Variants in THSD7A observed in about 807,000 individuals in gnomAD.
THSD7A encodes thrombospondin type 1 domain containing 7A.
Under a neutral mutation model 231.3 loss-of-function variants are expected in THSD7A, and 96 were observed. The ratio of observed to expected loss-of-function variants is 0.41; its 90% confidence interval spans 0.35 to 0.49. The LOEUF is 0.49. Ranked by LOEUF, THSD7A falls within the 20% of genes least tolerant of loss-of-function variation. THSD7A has a pLI of 0.05. For missense variants in THSD7A, 2,290 were observed against 2,070.2 expected, an observed-to-expected ratio of 1.11 and a Z score of -2.06; for synonymous variants, 940 against 743.3, an observed-to-expected ratio of 1.26 and a Z score of -4.30.
chr7:11,586,024 A>G (rs1779887547), intron 4 of THSD7A, among the ~76,000 whole-genome samples: 1 of 152,004 alleles, frequency 6.6e-6, no homozygotes, highest in Non-Finnish European at 1.5e-5. Flanking sequence ...TTTACATCCC[A>G]CTGTATTTAC....
chr7:11,587,217 C>G (rs1423272306), intron 4 of THSD7A, among the ~76,000 whole-genome samples: 1 of 152,168 alleles, frequency 6.6e-6, no homozygotes, highest in Non-Finnish European at 1.5e-5. Context: ...GATAACCTCC[C>G]CACAGGCAAG....
At chr7:11,472,522 G>C (rs78681591) in intron 8 of THSD7A, among the ~76,000 whole-genome samples, 1 of 152,048 alleles carries the variant, frequency 6.6e-6, no homozygotes. Flanking sequence ...TCTAGAATTT[G>C]AGAGGTAAAG....
intron 1 of THSD7A, among the ~76,000 whole-genome samples, chr7:11,748,123 G>A (rs1263879998): frequency 2.0e-5 from 3 of 151,920 alleles, no homozygotes; most frequent in South Asian, 4.2e-4. Flanking sequence ...TCAAGACAAA[G>A]AGGCCAGATA....
intron 1 of THSD7A, among the ~76,000 whole-genome samples, chr7:11,798,116 G>C (rs1371250625): frequency 6.6e-6 from 1 of 152,012 alleles, no homozygotes; most frequent in Non-Finnish European, 1.5e-5. Flanking sequence ...AACCATCTTT[G>C]TTCCATTAAG....
intron 4 of THSD7A, among the ~76,000 whole-genome samples, chr7:11,556,261 T>C (rs1381772363): frequency 6.6e-6 from 1 of 151,442 alleles, no homozygotes; most frequent in Non-Finnish European, 1.5e-5. Flanking sequence ...TTACATTACA[T>C]ATATATGTCA....
chr7:11,818,569 T>G (rs561935401), intron 1 of THSD7A, among the ~76,000 whole-genome samples: 2 of 152,250 alleles, frequency 1.3e-5, no homozygotes, highest in South Asian at 2.1e-4. Flanking sequence ...CTTCACTGTT[T>G]CCCAGAAGTT....
chr7:11,627,141 C>T (rs1031950606), intron 2 of THSD7A, among the ~76,000 whole-genome samples: 10 of 152,084 alleles, frequency 6.6e-5, no homozygotes, highest in Non-Finnish European at 1.5e-4. Flanking sequence ...GTTAACGTTG[C>T]ATCTTTCTTA....
chr7:11,626,512 G>T (rs562885625), intron 2 of THSD7A, among the ~76,000 whole-genome samples: 1 of 152,092 alleles, frequency 6.6e-6, no homozygotes, highest in Non-Finnish European at 1.5e-5. Context: ...ATAATCATAC[G>T]CTGGGATGTA....
intron 1 of THSD7A, chr7:11,820,424 T>A: frequency 7.6e-7 from 1 of 1,323,526 alleles, no homozygotes; most frequent in Admixed American, 2.9e-5. Flanking sequence ...TGGGCCCACT[T>A]GGGGCTGGTG....
At chr7:11,731,262 C>T (rs1179250081) in intron 1 of THSD7A, among the ~76,000 whole-genome samples, 2 of 151,412 alleles carry the variant, frequency 1.3e-5, no homozygotes, top group Non-Finnish European at 3.0e-5. Context: ...CTTTCATAAT[C>T]ATAAGCTTTT....
chr7:11,615,602 A>G (rs958919141), intron 2 of THSD7A, among the ~76,000 whole-genome samples: 3 of 152,150 alleles, frequency 2.0e-5, no homozygotes, highest in Non-Finnish European at 4.4e-5. Flanking sequence ...TAAATTCTAC[A>G]CTATATATTT....
chr7:11,445,975 T>C, intron 13 of THSD7A, 86 bp downstream of exon 13: 1 of 1,511,878 alleles, frequency 6.6e-7, no homozygotes, highest in Non-Finnish European at 9.1e-7. Context: ...TCTGTAAACC[T>C]TCACTTCCAT....
intron 6 of THSD7A, 127 bp downstream of exon 6, chr7:11,541,292 G>A: frequency 3.4e-6 from 3 of 874,604 alleles, no homozygotes; most frequent in Non-Finnish European, 5.5e-6. Context: ...GGAGAGAGAA[G>A]CAGCTATTTC....
At chr7:11,742,413 C>G (rs959667990) in intron 1 of THSD7A, among the ~76,000 whole-genome samples, 1 of 151,762 alleles carries the variant, frequency 6.6e-6, no homozygotes, top group Admixed American at 6.6e-5. Context: ...ATTTAGAGGA[C>G]AATAACTTGA....
intron 3 of THSD7A, among the ~76,000 whole-genome samples, 152 bp downstream of exon 3, chr7:11,593,102 A>G (rs1229744833): frequency 6.6e-6 from 1 of 152,174 alleles, no homozygotes; most frequent in Non-Finnish European, 1.5e-5. Flanking sequence ...GGACACTTTT[A>G]TTCTGTAAAA....
chr7:11,481,076 A>G (rs1360571739), intron 7 of THSD7A, among the ~76,000 whole-genome samples: 3 of 152,168 alleles, frequency 2.0e-5, no homozygotes, highest in Non-Finnish European at 1.5e-5. Context: ...GTATGACATT[A>G]TATTACCCAG....
chr7:11,472,329 C>G (rs1396468584), intron 8 of THSD7A, among the ~76,000 whole-genome samples: 2 of 151,982 alleles, frequency 1.3e-5, no homozygotes, highest in African/African-American at 2.4e-5. Flanking sequence ...CAGATAAGAT[C>G]AATAACATTG....
At chr7:11,575,475 C>T (rs1790854611) in intron 4 of THSD7A, among the ~76,000 whole-genome samples, 1 of 152,154 alleles carries the variant, frequency 6.6e-6, no homozygotes, top group African/African-American at 2.4e-5. Context: ...TATGTCCTGT[C>T]AAGCCTTTCA....
chr7:11,817,365 A>T (rs537687996), intron 1 of THSD7A, among the ~76,000 whole-genome samples: 27 of 152,238 alleles, frequency 1.8e-4, no homozygotes, highest in Admixed American at 9.8e-4. Context: ...CATGGCTAAG[A>T]TATGCACAAT....
Sources: allele counts gnomAD v4.1 joint callset (sites outside exome capture counted in the v4.1 genomes callset), GRCh38; gene constraint gnomAD v4.1.1; transcripts MANE v1.5; gene names NCBI Gene and HGNC (gene_info 2026-07-23, HGNC 2026-07-21).